SLC39A11: variants seen among roughly 807,000 people sequenced by gnomAD.
The protein encoded by SLC39A11 is zinc transporter ZIP11.
Under a neutral mutation model 36.1 loss-of-function variants are expected in SLC39A11, and 33 were observed. The ratio of observed to expected loss-of-function variants is 0.91; its 90% CI spans 0.69 to 1.22. The LOEUF is 1.22. SLC39A11 is among the 50% of genes most tolerant of loss of function. SLC39A11 has a pLI of 0.00. For synonymous variants in SLC39A11, 166 were observed against 170.3 expected (o/e 0.97, Z 0.20); for missense variants, 432 against 430.3 (o/e 1.00, Z -0.03).
At chr17:72,883,418 C>T (rs1296137131) in intron 5 of SLC39A11, among the ~76,000 whole-genome samples, 1 of 151,872 alleles carries the variant, frequency 6.6e-6, no homozygotes, top group Non-Finnish European at 1.5e-5. Flanking sequence ...ATCTTTATGA[C>T]TGAACCAGTT....
At chr17:72,699,044 T>C (rs1319219892) in intron 7 of SLC39A11, among the ~76,000 whole-genome samples, 2 of 152,164 alleles carry the variant, frequency 1.3e-5, no homozygotes, top group African/African-American at 2.4e-5. Flanking sequence ...TTAGCCAGGA[T>C]GGTCTCGATC....
At position 72,963,187 on chromosome 17, in the gene SLC39A11, T is replaced by TC. The variant is rs2086736665; in HGVS notation, c.307-15313_307-15312insG. 2.7e-5 allele frequency among the ~76,000 whole-genome samples: 4 copies of TC among 148,428 alleles called. No homozygotes were observed. The South Asian group carries it at 8.7e-4, about 32-fold the overall frequency. Reference sequence around the variant, plus strand: ...TTCCTTTCTTTTTTTTTTTTTTTTTTTGAGATGGAGTCTCACTCTGTCCCC... The same window carrying TC: ...TTCCTTTCTTTTTTTTTTTTTTTTTTCTGAGATGGAGTCTCACTCTGTCCCC... On this transcript the variant is annotated intron_variant, in intron 4 of 9. Transcript: ENST00000255559.
intron 5 of SLC39A11, among the ~76,000 whole-genome samples, chr17:72,915,598 C>A (rs559443789): frequency 6.6e-6 from 1 of 152,340 alleles, no homozygotes; most frequent in East Asian, 1.9e-4. Context: ...CACTCCCAAT[C>A]CCAACCGTGC....
intron 3 of SLC39A11, among the ~76,000 whole-genome samples, chr17:73,070,329 T>G (rs981922342): frequency 1.3e-5 from 2 of 152,160 alleles, no homozygotes; most frequent in African/African-American, 4.8e-5. Context: ...ATGTCAAGTA[T>G]GAGCCTTCCA....
chr17:72,967,450 A>C (rs1039924971), intron 4 of SLC39A11, among the ~76,000 whole-genome samples: 11 of 150,360 alleles, frequency 7.3e-5, no homozygotes, highest in Middle Eastern at 3.4e-3. Context: ...GCTCCTAAGC[A>C]TATCCTGGGA....
chr17:73,043,222 C>T (rs907229810), intron 3 of SLC39A11, among the ~76,000 whole-genome samples: 29 of 152,222 alleles, frequency 1.9e-4, no homozygotes, highest in Non-Finnish European at 3.8e-4. Context: ...AGCTGGGAAG[C>T]GCAGAGTGGG....
chr17:73,078,631 T>C (rs902601828), intron 3 of SLC39A11, among the ~76,000 whole-genome samples: 2 of 151,884 alleles, frequency 1.3e-5, no homozygotes, highest in African/African-American at 4.8e-5. Flanking sequence ...GGATTACAGG[T>C]GCCCGCCACC....
At chr17:72,974,994 T>C (rs1189589653) in intron 4 of SLC39A11, among the ~76,000 whole-genome samples, 1 of 152,218 alleles carries the variant, frequency 6.6e-6, no homozygotes, top group Admixed American at 6.5e-5. Context: ...ATGTGTGCAG[T>C]AGGCTATCCC....
chr17:72,948,811 A>G (rs1173306100), intron 4 of SLC39A11, among the ~76,000 whole-genome samples: 1 of 152,248 alleles, frequency 6.6e-6, no homozygotes, highest in African/African-American at 2.4e-5. Context: ...TTAGTGAAAG[A>G]GACAAAGTCC....
Position 72,974,177 on chromosome 17 carries a change from G to A in SLC39A11, c.307-26302C>T, listed in dbSNP as rs566215694. The stretch of plus-strand genomic sequence containing the variant: ...GTGCAGTGGCGCGATCTGGCTCACC[G>A]CAACCTCTACCTCCCAGGTTCAACT... On this transcript the variant is annotated intron_variant, in intron 4 of 9. Transcript: ENST00000255559. Among the ~76,000 whole-genome samples the A allele has an allele frequency of 2.0e-4, 31 of 152,158 alleles. 1 individual carries two copies. Among genetic ancestry groups the A allele is most frequent in the South Asian group, 1.5e-3 (7 of 4,814 alleles).
At chr17:72,729,921 T>C (rs1436113121) in intron 7 of SLC39A11, among the ~76,000 whole-genome samples, 1 of 152,110 alleles carries the variant, frequency 6.6e-6, no homozygotes, top group Non-Finnish European at 1.5e-5. Context: ...ATTAATAAAT[T>C]ACTATGGGTA....
chr17:73,092,558 C>T (rs938503413), intron 1 of SLC39A11, 53 bp downstream of exon 1: 3 of 152,902 alleles, frequency 2.0e-5, no homozygotes, highest in African/African-American at 7.2e-5. Flanking sequence ...TGGCCTCCGA[C>T]CCCGGGCCTC....
chr17:73,029,143 G>T (rs192332084), intron 4 of SLC39A11, among the ~76,000 whole-genome samples: 6 of 150,358 alleles, frequency 4.0e-5, no homozygotes, highest in African/African-American at 1.2e-4. Context: ...AATTACTGCT[G>T]CATAGTGCAA....
intron 6 of SLC39A11, among the ~76,000 whole-genome samples, chr17:72,777,427 G>A (rs1013438691): frequency 7.2e-5 from 11 of 152,118 alleles, no homozygotes; most frequent in African/African-American, 2.4e-4. Flanking sequence ...CTTTACAGAT[G>A]TAAACAGTCA....
At chr17:72,666,269 G>A (rs568083620) in intron 7 of SLC39A11, among the ~76,000 whole-genome samples, 3 of 152,228 alleles carry the variant, frequency 2.0e-5, no homozygotes, top group African/African-American at 4.8e-5. Context: ...TCCATTTTCC[G>A]TGCACATCTG....
chr17:72,732,014 TTTTC>T (rs1275137711), intron 7 of SLC39A11, among the ~76,000 whole-genome samples: 1 of 146,284 alleles, frequency 6.8e-6, no homozygotes, highest in African/African-American at 2.5e-5. Flanking sequence ...GGCCCTTTTC[TTTTC>T]TTTATTTTTT....
chr17:72,722,795 T>C (rs1418064189), intron 7 of SLC39A11, among the ~76,000 whole-genome samples: 1 of 152,024 alleles, frequency 6.6e-6, no homozygotes. Context: ...CCACCAAGCC[T>C]GGCTAATTTT....
intron 4 of SLC39A11, among the ~76,000 whole-genome samples, chr17:72,952,263 T>G (rs909601782): frequency 2.0e-5 from 3 of 152,190 alleles, no homozygotes; most frequent in Admixed American, 6.5e-5. Flanking sequence ...TTTAGACACC[T>G]TTCCAGGATT....
At chr17:72,872,759 T>C (rs1349609009) in intron 5 of SLC39A11, among the ~76,000 whole-genome samples, 1 of 152,100 alleles carries the variant, frequency 6.6e-6, no homozygotes, top group East Asian at 1.9e-4. Context: ...GCCACCAGGT[T>C]AGAATTATGG....
Sources: gnomAD v4.1 joint callset for allele counts (sites outside exome capture counted in the v4.1 genomes callset) on GRCh38, gnomAD v4.1.1 for gene constraint, MANE v1.5 for transcripts, NCBI Gene and HGNC (gene_info 2026-07-23, HGNC 2026-07-21) for gene names.